The following SPATA31H1 variants were observed in gnomAD, a reference collection of about 807,000 sequenced individuals.
SPATA31H1 encodes SPATA31 subfamily H member 1.
the SPATA31H1 span, chr2:27,576,231 A>G: frequency 7.3e-6 from 3 of 408,186 alleles, no homozygotes; most frequent in Admixed American, 4.0e-5. Context: ...GCTTCAAGGT[A>G]TAAAATCTGT....
At chr2:27,551,969 C>T in the SPATA31H1 span, among the ~76,000 whole-genome samples, 3 of 151,940 alleles carry the variant, frequency 2.0e-5, no homozygotes, top group Non-Finnish European at 4.4e-5. Context: ...GCGTGCACCA[C>T]CATGCCCAGC....
At chr2:27,579,922 A>G in the SPATA31H1 span, 1 of 1,614,200 alleles carries the variant, frequency 6.2e-7, no homozygotes, top group South Asian at 1.1e-5. Flanking sequence ...CTAGTCCTAA[A>G]ATACCCTATC....
the SPATA31H1 span, among the ~76,000 whole-genome samples, chr2:27,546,809 G>C: frequency 1.1e-4 from 17 of 151,908 alleles, no homozygotes; most frequent in African/African-American, 4.1e-4. Context: ...TAGGATTACA[G>C]GCATAAGCCA....
the SPATA31H1 span, among the ~76,000 whole-genome samples, chr2:27,548,148 A>AT: frequency 2.0e-5 from 3 of 151,464 alleles, no homozygotes; most frequent in Non-Finnish European, 4.4e-5. Context: ...TGCCTGGCTA[A>AT]TTTTTTGTAT....
At chr2:27,579,831 G>A in the SPATA31H1 span, 2 of 1,614,164 alleles carry the variant, frequency 1.2e-6, no homozygotes, top group Non-Finnish European at 1.7e-6. Context: ...CCAGTTGCTA[G>A]AAGATCTGCA....
the SPATA31H1 span, among the ~76,000 whole-genome samples, chr2:27,558,926 AGGG>A: frequency 5.9e-5 from 1 of 17,014 alleles, no homozygotes. Flanking sequence ...AGGGAGGGGG[AGGG>A]AGAGGGAGAG....
chr2:27,582,709 G>T, the SPATA31H1 span: 1 of 639,146 alleles, frequency 1.6e-6, no homozygotes, highest in East Asian at 2.8e-5. Context: ...GATGAATAAA[G>T]GGGCAGTAAA....
chr2:27,554,667 G>A, the SPATA31H1 span, among the ~76,000 whole-genome samples: 5 of 152,046 alleles, frequency 3.3e-5, no homozygotes, highest in Admixed American at 2.0e-4. Flanking sequence ...TCCTCCTTCT[G>A]GGTTCAAGCA....
chr2:27,575,816 A>G, the SPATA31H1 span: 6 of 398,266 alleles, frequency 1.5e-5, no homozygotes, highest in Non-Finnish European at 2.2e-5. This position sits in a 1 kb window ranked among gnomAD's most constrained non-coding sequence, Gnocchi z 4.1. Flanking sequence ...TTCCACAGCC[A>G]AAAGCTCACT....
At chr2:27,573,094 C>T in the SPATA31H1 span, 1 of 395,546 alleles carries the variant, frequency 2.5e-6, no homozygotes, top group Non-Finnish European at 4.4e-6. Context: ...GTCAAGCCTG[C>T]AGAGTTGAAA....
At chr2:27,562,893 A>G in the SPATA31H1 span, among the ~76,000 whole-genome samples, 1 of 152,036 alleles carries the variant, frequency 6.6e-6, no homozygotes, top group African/African-American at 2.4e-5. Context: ...TCTCAAAAAA[A>G]AAAAAAAATT....
chr2:27,542,502 A>G, the SPATA31H1 span, among the ~76,000 whole-genome samples: 2 of 152,072 alleles, frequency 1.3e-5, no homozygotes, highest in Non-Finnish European at 2.9e-5. Context: ...GGACAGATAT[A>G]GAATATTTGA....
the SPATA31H1 span, chr2:27,580,513 C>A: frequency 1.6e-5 from 26 of 1,614,050 alleles, no homozygotes; most frequent in Non-Finnish European, 1.9e-5. Context: ...ATAGAGAGTC[C>A]TTCTAGGGAA....
chr2:27,578,872 TA>T, the SPATA31H1 span: 1 of 1,614,164 alleles, frequency 6.2e-7, no homozygotes, highest in African/African-American at 1.3e-5. Flanking sequence ...GCTTTGGATA[TA>T]AAAAACCCTG....
chr2:27,538,947 A>G, the SPATA31H1 span, among the ~76,000 whole-genome samples: 1 of 152,102 alleles, frequency 6.6e-6, no homozygotes, highest in Non-Finnish European at 1.5e-5. Flanking sequence ...AAGAGAAAAA[A>G]ATATCTGCTA....
At chr2:27,539,877 C>A in the SPATA31H1 span, among the ~76,000 whole-genome samples, 1 of 99,488 alleles carries the variant, frequency 1.0e-5, no homozygotes, top group Non-Finnish European at 2.1e-5. Context: ...GCTGATCCCC[C>A]CCACCTCCCT....
At chr2:27,554,585 T>TGTTTTGTTTC in the SPATA31H1 span, among the ~76,000 whole-genome samples, 1 of 151,892 alleles carries the variant, frequency 6.6e-6, no homozygotes, top group Non-Finnish European at 1.5e-5. Context: ...TGTTTTGTTT[T>TGTTTTGTTTC]GTTTTTGAGA....
At chr2:27,582,552 T>C in the SPATA31H1 span, 2 of 1,557,962 alleles carry the variant, frequency 1.3e-6, no homozygotes, top group African/African-American at 1.4e-5. Flanking sequence ...CTATTATTCA[T>C]TGTCCTAAGT....
At chr2:27,542,256 G>T in the SPATA31H1 span, among the ~76,000 whole-genome samples, 2 of 151,764 alleles carry the variant, frequency 1.3e-5, no homozygotes, top group East Asian at 3.9e-4. Context: ...AATTAGCTGG[G>T]CGTGGTGGTG....
Sources: allele counts gnomAD v4.1 joint callset (sites outside exome capture counted in the v4.1 genomes callset), GRCh38; gene constraint gnomAD v4.1.1; non-coding constraint Gnocchi (gnomAD v3.1); transcripts MANE v1.5; gene names NCBI Gene and HGNC (gene_info 2026-07-23, HGNC 2026-07-21).